The following SERPINB5 variants were observed in gnomAD, a reference collection of about 807,000 sequenced individuals.
The protein encoded by SERPINB5 is serpin family B member 5.
A neutral mutation model predicts 32.2 loss-of-function variants in SERPINB5; 27 were observed. The observed-to-expected ratio is 0.84, with a 90% confidence interval of 0.62 to 1.16. The LOEUF is 1.16. Ranked by LOEUF, SERPINB5 falls within the 50% of genes most tolerant of loss-of-function variation. The pLI is 0.00. For missense variants in SERPINB5, 388 were observed against 436.3 expected, an observed-to-expected ratio of 0.89 and a Z score of 0.99; for synonymous variants, 154 against 157.4, an observed-to-expected ratio of 0.98 and a Z score of 0.16.
chr18:63,500,196 T>C (rs1909542255), intron 6 of SERPINB5, among the ~76,000 whole-genome samples: 1 of 150,382 alleles, frequency 6.6e-6, no homozygotes, highest in Admixed American at 6.6e-5. Context: ...GCCTCCCAAG[T>C]AGCTGGGACT....
At chr18:63,484,744 T>A (rs1366845449) in intron 2 of SERPINB5, 148 bp downstream of exon 2, 5 of 389,282 alleles carry the variant, frequency 1.3e-5, no homozygotes, top group African/African-American at 5.7e-5. Flanking sequence ...TCTTAATCTT[T>A]TTTTTTTTTT....
At position 63,503,352 on chromosome 18, in the gene SERPINB5, A is replaced by G; in HGVS notation, c.758A>G (p.Glu253Gly). 6.2e-7 allele frequency: 1 copy of G among 1,613,064 alleles called. No homozygotes were observed. Among genetic ancestry groups the G allele is most frequent in the Non-Finnish European group, 8.5e-7 (1 of 1,179,804 alleles). ...LEKIEKQLNS[E>G]SLSQWTNPST... Reference sequence around the variant, plus strand: ...CAGATTGAAAAACAACTCAACTCAGAGTCACTGTCACAGTGGACTAATCCC... The same window carrying G: ...CAGATTGAAAAACAACTCAACTCAGGGTCACTGTCACAGTGGACTAATCCC... Residue 253 changes from glutamate (E) to glycine (G), a missense_variant, in exon 7 of 7, where the codon GAG becomes GGG. Glu to Gly is a moderately conservative substitution (Grantham distance 98). Transcript: ENST00000382771.
intron 6 of SERPINB5, among the ~76,000 whole-genome samples, chr18:63,501,492 T>C (rs1228141327): frequency 1.3e-5 from 2 of 152,158 alleles, no homozygotes; most frequent in Admixed American, 6.6e-5. Context: ...TGAATAGTGT[T>C]CCAATAAGCA....
chr18:63,491,540 T>C (rs1483697339), intron 4 of SERPINB5, among the ~76,000 whole-genome samples: 3 of 150,752 alleles, frequency 2.0e-5, no homozygotes, highest in Non-Finnish European at 4.4e-5. Context: ...AGCGGCACGA[T>C]CTTGGCTTAC....
At chr18:63,490,191 TA>T (rs899699910) in intron 4 of SERPINB5, among the ~76,000 whole-genome samples, 3 of 151,552 alleles carry the variant, frequency 2.0e-5, no homozygotes, top group African/African-American at 7.3e-5. Flanking sequence ...GACTCTGTCT[TA>T]AAAAAAGAAA....
chr18:63,489,120 A>G (rs1917258936), intron 3 of SERPINB5, among the ~76,000 whole-genome samples: 1 of 152,238 alleles, frequency 6.6e-6, no homozygotes, highest in Non-Finnish European at 1.5e-5. Context: ...CTGATATTAA[A>G]TTGATAGATG....
intron 1 of SERPINB5, among the ~76,000 whole-genome samples, chr18:63,479,026 C>T (rs1298425215): frequency 6.6e-6 from 1 of 152,142 alleles, no homozygotes; most frequent in Non-Finnish European, 1.5e-5. Flanking sequence ...TCCCAAAGTG[C>T]TGGGATTACA....
Position 63,493,171 on chromosome 18 carries a change from A to G in SERPINB5, c.567+76A>G, listed in dbSNP as rs777497377. ...AAATGATAGGGACAGAGTGGGGCAT[A>G]AATCCATTCCAATGAGGAACCTGAG... On this transcript the variant is annotated intron_variant, in intron 5 of 6. Transcript: ENST00000382771. 9 of 1,596,056 alleles carry G rather than the reference A, an allele frequency of 5.6e-6. No homozygotes were observed. In the East Asian group the frequency reaches 2.0e-4, roughly 36 times the overall value.
intron 5 of SERPINB5, 76 bp from the exon 6 acceptor site, chr18:63,499,044 T>G: frequency 1.5e-6 from 1 of 648,140 alleles, no homozygotes; most frequent in Non-Finnish European, 2.2e-6. Flanking sequence ...TGCGCGCGTG[T>G]GTGTATATAT....
chr18:63,503,762 G>A lies in SERPINB5; in HGVS notation c.*40G>A, dbSNP rs1235551238. On this transcript the variant is annotated 3_prime_UTR_variant, in exon 7 of 7. Transcript: ENST00000382771. ...GTTAAGTCCTCCCTGACTTTTCTGT[G>A]GATGCCGATTTCTGTAAACTCTGCA... 5 of 1,585,396 alleles carry A rather than the reference G, an allele frequency of 3.2e-6. No homozygotes were observed. The highest frequency in any genetic ancestry group is 4.3e-6 in the Non-Finnish European group (5 of 1,162,428).
chr18:63,482,401 G>A (rs1252086714), intron 1 of SERPINB5, among the ~76,000 whole-genome samples: 2 of 152,132 alleles, frequency 1.3e-5, no homozygotes, highest in Admixed American at 6.5e-5. Context: ...TGTCACATTC[G>A]GCCCTTGTGT....
At chr18:63,490,711 C>G (rs1909316421) in intron 4 of SERPINB5, 1 of 152,192 alleles carries the variant, frequency 6.6e-6, no homozygotes, top group African/African-American at 2.4e-5. Flanking sequence ...CATTCAGCAC[C>G]TAGGTTCAAA....
At chr18:63,491,735 A>C (rs1473676828) in intron 4 of SERPINB5, among the ~76,000 whole-genome samples, 1 of 152,080 alleles carries the variant, frequency 6.6e-6, no homozygotes, top group Non-Finnish European at 1.5e-5. Flanking sequence ...TCAGCCTCCC[A>C]AAGTGCTGGG....
At position 63,498,604 on chromosome 18, in the gene SERPINB5, G is replaced by T. The variant is rs1909499725; in HGVS notation, c.568-516G>T. On this transcript the variant is annotated intron_variant, in intron 5 of 6. Coordinates refer to ENST00000382771, the MANE Select transcript of SERPINB5 (RefSeq NM_002639.5). The surrounding 1 kb of genome is among the most constrained non-coding windows in gnomAD (Gnocchi z 4.2). ...TACTTCATGTAATGTGTAACATGTA[G>T]ATTATAAAGTATATGAATAACTTTT... Among the ~76,000 whole-genome samples, 1 of 152,072 alleles carries T rather than the reference G, an allele frequency of 6.6e-6. No individual in the cohort carries two copies. The highest frequency in any genetic ancestry group is 6.6e-5 in the Admixed American group (1 of 15,256).
At chr18:63,489,596 C>G in intron 4 of SERPINB5, 132 bp downstream of exon 4, 1 of 625,636 alleles carries the variant, frequency 1.6e-6, no homozygotes, top group Non-Finnish European at 2.8e-6. Context: ...AAGCTAAATT[C>G]TTTCCCTTCA....
chr18:63,504,340 T>C lies in SERPINB5; in HGVS notation c.*618T>C, dbSNP rs961365760. The C allele has an allele frequency of 2.6e-5, 4 of 152,400 alleles. No individual in the cohort carries two copies. The highest frequency in any genetic ancestry group is 2.6e-4 in the Admixed American group (4 of 15,278). The allele number at this position is 152,400 out of a possible 1,614,324, so 9.4% of individuals were successfully genotyped here. A position where few individuals can be genotyped will look rare whatever the true frequency, so the allele number is the denominator to read the frequency against. On this transcript the variant is annotated 3_prime_UTR_variant, in exon 7 of 7. Transcript: ENST00000382771. ...ATGTTATAGAACTTCATGGATCAGATCTGGGGCAGCACCCTATAAATCAAC... is the reference window on the plus strand; with the variant it reads ...ATGTTATAGAACTTCATGGATCAGACCTGGGGCAGCACCCTATAAATCAAC...
At chr18:63,490,495 G>A (rs1166203469) in intron 4 of SERPINB5, 1 of 152,186 alleles carries the variant, frequency 6.6e-6, no homozygotes, top group Non-Finnish European at 1.5e-5. Flanking sequence ...GACCCGTTGG[G>A]AGGCCGGGCC....
At chr18:63,502,988 C>T (rs540476453) in intron 6 of SERPINB5, among the ~76,000 whole-genome samples, 9 of 152,236 alleles carry the variant, frequency 5.9e-5, no homozygotes, top group African/African-American at 1.9e-4. Context: ...CACACTATTA[C>T]ACTCCAGCCC....
chr18:63,489,584 A>G, intron 4 of SERPINB5, 120 bp downstream of exon 4: 2 of 660,626 alleles, frequency 3.0e-6, no homozygotes, highest in Middle Eastern at 2.5e-4. Context: ...TTTTTACTAC[A>G]CAAGCTAAAT....
Sources: gnomAD v4.1 joint callset for allele counts (sites outside exome capture counted in the v4.1 genomes callset) on GRCh38, gnomAD v4.1.1 for gene constraint, Gnocchi (gnomAD v3.1) non-coding constraint, MANE v1.5 for transcripts, NCBI Gene and HGNC (gene_info 2026-07-23, HGNC 2026-07-21) for gene names.